OPCML: variants seen among roughly 807,000 people sequenced by gnomAD.
OPCML encodes the protein opioid binding protein/cell adhesion molecule like, also known as opioid-binding protein/cell adhesion molecule.
A neutral mutation model predicts 37.8 loss-of-function variants in OPCML; 13 were observed. The ratio of observed to expected loss-of-function variants is 0.34; its 90% CI spans 0.22 to 0.55. The LOEUF (loss-of-function observed/expected upper bound fraction) is 0.55. OPCML is among the 20% of genes least tolerant of loss of function. The pLI is 0.91. For synonymous variants in OPCML, 176 were observed against 168.8 expected (o/e 1.04, Z -0.33); for missense variants, 341 against 435.6 (o/e 0.78, Z 1.93).
At chr11:133,328,156 A>ATT (rs1943524325) in intron 1 of OPCML, among the ~76,000 whole-genome samples, 1 of 147,142 alleles carries the variant, frequency 6.8e-6, no homozygotes, top group African/African-American at 2.6e-5. Flanking sequence ...GGTGTGTTTT[A>ATT]ATTTTTTTTT....
chr11:132,615,754 C>T (rs899860866), intron 3 of OPCML, among the ~76,000 whole-genome samples: 11 of 152,054 alleles, frequency 7.2e-5, no homozygotes, highest in African/African-American at 1.2e-4. Flanking sequence ...GTAATACATG[C>T]GAACTACTTA....
intron 1 of OPCML, among the ~76,000 whole-genome samples, chr11:133,151,556 C>T (rs191332734): frequency 2.0e-4 from 31 of 152,054 alleles, no homozygotes; most frequent in Non-Finnish European, 3.4e-4. Context: ...TAAATTTGAT[C>T]CCTGAAAATT....
intron 1 of OPCML, among the ~76,000 whole-genome samples, chr11:133,365,140 A>T (rs1944511632): frequency 6.6e-6 from 1 of 151,998 alleles, no homozygotes; most frequent in Non-Finnish European, 1.5e-5. Context: ...CCACCTCCAG[A>T]TGTGCAGTCA....
intron 3 of OPCML, among the ~76,000 whole-genome samples, chr11:132,549,275 A>G (rs955515571): frequency 6.6e-6 from 1 of 152,216 alleles, no homozygotes; most frequent in Non-Finnish European, 1.5e-5. Flanking sequence ...GGTAATTTAC[A>G]AATGCTATGG....
intron 3 of OPCML, among the ~76,000 whole-genome samples, chr11:132,540,729 A>G (rs1375849266): frequency 6.6e-6 from 1 of 152,212 alleles, no homozygotes; most frequent in Admixed American, 6.5e-5. Flanking sequence ...TGACATCACA[A>G]ACCTCTCAGG....
intron 1 of OPCML, among the ~76,000 whole-genome samples, chr11:133,466,587 G>A (rs1158614525): frequency 1.3e-5 from 2 of 152,192 alleles, no homozygotes; most frequent in Non-Finnish European, 2.9e-5. Flanking sequence ...TAAACTATGC[G>A]AACATTCGCT....
chr11:132,682,228 G>C (rs185842205), intron 2 of OPCML, among the ~76,000 whole-genome samples: 194 of 152,242 alleles, frequency 1.3e-3, no homozygotes, highest in African/African-American at 4.3e-3. Context: ...AGGCACCCTC[G>C]TCATGAGGCC....
chr11:133,323,634 A>G (rs1943385324), intron 1 of OPCML, among the ~76,000 whole-genome samples: 1 of 152,200 alleles, frequency 6.6e-6, no homozygotes, highest in African/African-American at 2.4e-5. Context: ...CCCATCTCCA[A>G]GTGGGCTGAG....
intron 2 of OPCML, among the ~76,000 whole-genome samples, chr11:132,777,491 C>A (rs1946845363): frequency 6.6e-6 from 1 of 152,180 alleles, no homozygotes; most frequent in Admixed American, 6.5e-5. Context: ...GGGGCAGGTG[C>A]CAGCCACCCA....
intron 4 of OPCML, among the ~76,000 whole-genome samples, chr11:132,499,936 C>A (rs2096242062): frequency 6.6e-6 from 1 of 152,096 alleles, no homozygotes; most frequent in Admixed American, 6.5e-5. Flanking sequence ...CATGAAGAAC[C>A]CAAGTATAGG....
intron 3 of OPCML, among the ~76,000 whole-genome samples, chr11:132,648,521 C>G (rs1211557410): frequency 2.2e-5 from 3 of 139,486 alleles, no homozygotes; most frequent in Non-Finnish European, 3.1e-5. Context: ...TTCTCTCTGT[C>G]TTTTTTTTTT....
At chr11:132,919,320 CAT>C (rs893366076) in intron 2 of OPCML, among the ~76,000 whole-genome samples, 50 of 152,246 alleles carry the variant, frequency 3.3e-4, no homozygotes, top group Middle Eastern at 3.4e-3. Context: ...CACTGGGAAA[CAT>C]GTGAGAAATT....
intron 1 of OPCML, among the ~76,000 whole-genome samples, chr11:133,102,825 C>G (rs1949105606): frequency 6.6e-6 from 1 of 152,122 alleles, no homozygotes; most frequent in Non-Finnish European, 1.5e-5. Flanking sequence ...TTTGACTATT[C>G]AAAATTGTAT....
At chr11:133,024,496 G>C in intron 1 of OPCML, 1 of 985,374 alleles carries the variant, frequency 1.0e-6, no homozygotes, top group Non-Finnish European at 1.2e-6. Flanking sequence ...CGGGTAATGA[G>C]ATGTAGAGTT....
chr11:132,944,648 C>T (rs1416382608), intron 1 of OPCML, among the ~76,000 whole-genome samples: 1 of 152,222 alleles, frequency 6.6e-6, no homozygotes, highest in Non-Finnish European at 1.5e-5. Context: ...TCCTAAAACC[C>T]CTCACAGGAA....
In OPCML at chr11:133,025,725, G is replaced by A. The variant is rs149809676; in HGVS notation, c.62-82715C>T. Among the ~76,000 whole-genome samples the A allele has an allele frequency of 7.6e-3, 800 of 104,976 alleles. 7 individuals are homozygous for A. The highest frequency in any genetic ancestry group is 0.028 in the African/African-American group (751 of 26,368). The allele number at this position is 104,976 out of a possible 152,430, so 68.9% of individuals were successfully genotyped here. A position where few individuals can be genotyped will look rare whatever the true frequency, so the allele number is the denominator to read the frequency against. ...CATGAGCCAAGGTGCCTGCCGATTT[G>A]ATTTTTTTTTTTTTTTTTTTTTTTT... is the stretch of plus-strand genomic sequence containing the variant. On this transcript the variant is annotated intron_variant, in intron 1 of 7. Coordinates refer to ENST00000524381, the MANE Select transcript of OPCML (RefSeq NM_001012393.5).
chr11:133,224,321 G>A (rs957369656), intron 1 of OPCML, among the ~76,000 whole-genome samples: 6 of 152,232 alleles, frequency 3.9e-5, no homozygotes, highest in African/African-American at 1.4e-4. Context: ...TGGCCCCAGG[G>A]ATGCCCCTGC....
At chr11:132,761,559 T>C (rs1946268162) in intron 2 of OPCML, among the ~76,000 whole-genome samples, 1 of 152,118 alleles carries the variant, frequency 6.6e-6, no homozygotes, top group Admixed American at 6.5e-5. Flanking sequence ...ATTAAGTTGA[T>C]CTTTGGTCTC....
chr11:133,193,096 C>T (rs1394020064), intron 1 of OPCML, among the ~76,000 whole-genome samples: 1 of 152,174 alleles, frequency 6.6e-6, no homozygotes, highest in East Asian at 1.9e-4. Flanking sequence ...TGATAGTGGT[C>T]CTTCTGGTGG....
Sources: allele counts gnomAD v4.1 joint callset (sites outside exome capture counted in the v4.1 genomes callset), GRCh38; gene constraint gnomAD v4.1.1; transcripts MANE v1.5; gene names NCBI Gene and HGNC (gene_info 2026-07-23, HGNC 2026-07-21).